Variants in HCN1 observed in about 807,000 individuals in gnomAD.
HCN1 encodes hyperpolarization activated cyclic nucleotide gated potassium channel 1.
A neutral mutation model predicts 78.9 loss-of-function variants in HCN1; 13 were observed. That is an observed-to-expected ratio of 0.16 (90% CI 0.11 to 0.26). HCN1 has a LOEUF of 0.26. Ranked by LOEUF, HCN1 falls within the 10% of genes least tolerant of loss-of-function variation. HCN1 has a pLI of 1.00. For synonymous variants in HCN1, 552 were observed against 455.5 expected, an observed-to-expected ratio of 1.21 and a Z score of -2.70; for missense variants, 810 against 1,154.3, an observed-to-expected ratio of 0.70 and a Z score of 4.32.
intron 3 of HCN1, among the ~76,000 whole-genome samples, 199 bp downstream of exon 3, chr5:45,461,647 T>C (rs1741160862): frequency 6.6e-6 from 1 of 152,096 alleles, no homozygotes; most frequent in Non-Finnish European, 1.5e-5. Context: ...ATATACATAC[T>C]CAGGAACATA....
At chr5:45,660,713 T>C (rs1228085330) in intron 1 of HCN1, among the ~76,000 whole-genome samples, 20 of 134,730 alleles carry the variant, frequency 1.5e-4, no homozygotes, top group Admixed American at 9.9e-4. Flanking sequence ...AAGAAGGCCA[T>C]TACATAATGG....
At chr5:45,544,544 G>A (rs1021973814) in intron 2 of HCN1, among the ~76,000 whole-genome samples, 8 of 151,742 alleles carry the variant, frequency 5.3e-5, no homozygotes, top group Admixed American at 2.6e-4. Context: ...TGCTGCACCC[G>A]TTAAATTGTC....
Position 45,460,305 on chromosome 5 carries a change from T to C in HCN1, c.1011+1541A>G, listed in dbSNP as rs371946126. On this transcript the variant is annotated intron_variant, in intron 3 of 7. Transcript: ENST00000303230. ...ACCTTCTGCCATGTGAGGGATAGAT[T>C]TGTCTTCTCTGGAGGACATAGCAGC... Among the ~76,000 whole-genome samples, 28 of 152,230 alleles carry C rather than the reference T, an allele frequency of 1.8e-4. No individual in the cohort carries two copies. In the South Asian group the frequency reaches 5.2e-3, roughly 28 times the overall value.
At chr5:45,448,269 G>A (rs931204304) in intron 3 of HCN1, among the ~76,000 whole-genome samples, 3 of 152,082 alleles carry the variant, frequency 2.0e-5, no homozygotes, top group African/African-American at 7.2e-5. Context: ...ATTCACATAA[G>A]CCAGGGGATT....
At chr5:45,682,963 T>C (rs1322414158) in intron 1 of HCN1, among the ~76,000 whole-genome samples, 1 of 152,110 alleles carries the variant, frequency 6.6e-6, no homozygotes, top group Admixed American at 6.5e-5. Context: ...TTTTCAATAT[T>C]TGTAAAATAT....
chr5:45,575,778 G>A (rs1247102998), intron 2 of HCN1: 1 of 152,082 alleles, frequency 6.6e-6, no homozygotes, highest in Non-Finnish European at 1.5e-5. Context: ...TAAGAGCTCT[G>A]ATGAAGATGT....
chr5:45,401,307 A>G (rs1474065329), intron 3 of HCN1, among the ~76,000 whole-genome samples: 1 of 152,110 alleles, frequency 6.6e-6, no homozygotes, highest in Non-Finnish European at 1.5e-5. Flanking sequence ...GCGTTCATGT[A>G]TTTATTTACC....
intron 5 of HCN1, among the ~76,000 whole-genome samples, chr5:45,312,572 G>C (rs1306061953): frequency 1.3e-5 from 2 of 152,202 alleles, no homozygotes; most frequent in East Asian, 1.9e-4. Context: ...GCGAGGCATA[G>C]CCTCACCCGG....
chr5:45,635,056 A>G (rs957437), intron 2 of HCN1, among the ~76,000 whole-genome samples: 1 of 152,118 alleles, frequency 6.6e-6, no homozygotes, highest in East Asian at 1.9e-4. Context: ...AGATTCTACT[A>G]TTTTAATCTC....
intron 2 of HCN1, among the ~76,000 whole-genome samples, chr5:45,540,612 G>C (rs1035775788): frequency 6.6e-6 from 1 of 152,094 alleles, no homozygotes; most frequent in Non-Finnish European, 1.5e-5. Context: ...TTATAGGCAG[G>C]AGCCACCATG....
chr5:45,370,617 T>C (rs527903287), intron 4 of HCN1, among the ~76,000 whole-genome samples: 4 of 152,172 alleles, frequency 2.6e-5, no homozygotes, highest in Non-Finnish European at 4.4e-5. Context: ...TTTATATAAT[T>C]ATAAACAATT....
chr5:45,323,810 T>G (rs907964389), intron 5 of HCN1, among the ~76,000 whole-genome samples: 3 of 151,822 alleles, frequency 2.0e-5, no homozygotes, highest in Admixed American at 2.0e-4. Context: ...TGAGAACATG[T>G]GGTGTTTGGT....
chr5:45,458,736 T>C (rs969027964), intron 3 of HCN1, among the ~76,000 whole-genome samples: 1 of 152,122 alleles, frequency 6.6e-6, no homozygotes, highest in African/African-American at 2.4e-5. Context: ...CTGTGTGACA[T>C]TGACTATTCA....
intron 2 of HCN1, among the ~76,000 whole-genome samples, chr5:45,614,181 A>G (rs1298363586): frequency 1.3e-5 from 2 of 152,104 alleles, no homozygotes; most frequent in Non-Finnish European, 2.9e-5. Flanking sequence ...CTATTTTCCA[A>G]AAGTTCCTCC....
At chr5:45,346,032 C>T (rs761553353) in intron 5 of HCN1, among the ~76,000 whole-genome samples, 3 of 152,208 alleles carry the variant, frequency 2.0e-5, no homozygotes, top group Non-Finnish European at 2.9e-5. Flanking sequence ...GGGAAGCAAA[C>T]ACGTCCTTCT....
At chr5:45,622,725 C>T (rs550130994) in intron 2 of HCN1, among the ~76,000 whole-genome samples, 85 of 152,148 alleles carry the variant, frequency 5.6e-4, no homozygotes, top group African/African-American at 1.9e-3. Flanking sequence ...AACATGAACA[C>T]CAGGACTGAA....
chr5:45,519,710 AT>A (rs1231922284), intron 2 of HCN1, among the ~76,000 whole-genome samples: 1 of 151,994 alleles, frequency 6.6e-6, no homozygotes, highest in Non-Finnish European at 1.5e-5. Flanking sequence ...GAATCTCATT[AT>A]TCATTGAAAC....
intron 5 of HCN1, among the ~76,000 whole-genome samples, chr5:45,339,446 T>C (rs1215791112): frequency 6.6e-6 from 1 of 152,130 alleles, no homozygotes; most frequent in Non-Finnish European, 1.5e-5. Flanking sequence ...ATAGCATTTA[T>C]TTTCCAGGAA....
At chr5:45,578,873 G>T (rs1024911210) in intron 2 of HCN1, among the ~76,000 whole-genome samples, 1 of 151,880 alleles carries the variant, frequency 6.6e-6, no homozygotes, top group African/African-American at 2.4e-5. Flanking sequence ...GGAAATATAT[G>T]CAAAAATAAT....
Sources: gnomAD v4.1 joint callset for allele counts (sites outside exome capture counted in the v4.1 genomes callset) on GRCh38, gnomAD v4.1.1 for gene constraint, MANE v1.5 for transcripts, NCBI Gene and HGNC (gene_info 2026-07-23, HGNC 2026-07-21) for gene names.